ZCCHC24: variants seen among roughly 807,000 people sequenced by gnomAD.
ZCCHC24 encodes the protein zinc finger CCHC domain-containing protein 24.
Under a neutral mutation model 26.2 loss-of-function variants are expected in ZCCHC24, and 10 were observed. That is an observed-to-expected ratio of 0.38 (90% CI 0.24 to 0.65). The LOEUF (loss-of-function observed/expected upper bound fraction) is 0.65, where lower values mean the gene tolerates loss of function less well. ZCCHC24 is among the 30% of genes least tolerant of loss of function. ZCCHC24 has a pLI of 0.54. For missense variants in ZCCHC24, 243 were observed against 329.1 expected, an observed-to-expected ratio of 0.74 and a Z score of 2.03; for synonymous variants, 144 against 147.1, an observed-to-expected ratio of 0.98 and a Z score of 0.15.
intron 3 of ZCCHC24, among the ~76,000 whole-genome samples, chr10:79,391,846 C>G (rs1008065463): frequency 6.6e-6 from 1 of 151,446 alleles, no homozygotes; most frequent in African/African-American, 2.4e-5. Context: ...TTTGCGGTGA[C>G]TCAGTACACA....
intron 2 of ZCCHC24, among the ~76,000 whole-genome samples, chr10:79,423,117 A>C (rs1244843522): frequency 2.0e-5 from 3 of 152,146 alleles, no homozygotes; most frequent in Non-Finnish European, 2.9e-5. Context: ...TGAAGTTTTC[A>C]TGTCCTATCA....
chr10:79,405,710 G>A (rs1202206956), intron 2 of ZCCHC24, among the ~76,000 whole-genome samples: 1 of 152,246 alleles, frequency 6.6e-6, no homozygotes. Context: ...CCTCAGCCTG[G>A]AGTGAGGCTT....
At position 79,445,255 on chromosome 10, in the gene ZCCHC24, C is replaced by T; in HGVS notation, c.186G>A (p.Gln62=). Residue 62 remains glutamine, a synonymous_variant, in exon 1 of 4, where the codon CAG becomes CAA. Transcript: ENST00000372336. The part of the protein sequence containing the change: ...ELAFGKGRPE[Q]LGSPLHSSYL... ...AGCTGGAGTGCAGGGGCGAGCCCAG[C>T]TGCTCGGGGCGGCCCTTGCCGAAGG... The T allele has an allele frequency of 3.5e-6, 5 of 1,418,826 alleles. No homozygotes were observed. Among genetic ancestry groups the T allele is most frequent in the Non-Finnish European group, 4.6e-6 (5 of 1,081,784 alleles). 87.9% of individuals were successfully genotyped at this position (1,418,826 alleles called of 1,614,324 possible). A position where few individuals can be genotyped will look rare whatever the true frequency, so the allele number is the denominator to read the frequency against.
At chr10:79,422,642 C>T (rs894998921) in intron 2 of ZCCHC24, among the ~76,000 whole-genome samples, 1 of 152,206 alleles carries the variant, frequency 6.6e-6, no homozygotes, top group African/African-American at 2.4e-5. Flanking sequence ...CCCGAGCTGC[C>T]AGATGGGTGG....
intron 2 of ZCCHC24, among the ~76,000 whole-genome samples, chr10:79,415,360 G>A (rs1293810852): frequency 6.6e-6 from 1 of 152,154 alleles, no homozygotes; most frequent in Non-Finnish European, 1.5e-5. Flanking sequence ...AGGACGGTGG[G>A]CAGAGGGCCT....
In ZCCHC24 at chr10:79,433,655, G is replaced by A. The variant is rs555277498; in HGVS notation, c.247-897C>T. Among the ~76,000 whole-genome samples the A allele has an allele frequency of 6.5e-4, 99 of 152,350 alleles. No individual in the cohort carries two copies. The East Asian group carries it at 0.016, about 25-fold the overall frequency. ...GAGGGTCAACAACAAATCTGGGCTT[G>A]GGGCTTAAGTATCTCCTGGCCCCAG... is the stretch of plus-strand genomic sequence containing the variant. On this transcript the variant is annotated intron_variant, in intron 1 of 3. Coordinates refer to ENST00000372336, the MANE Select transcript of ZCCHC24 (RefSeq NM_153367.4).
intron 1 of ZCCHC24, among the ~76,000 whole-genome samples, chr10:79,442,690 G>A (rs1024194159): frequency 2.0e-5 from 3 of 152,194 alleles, no homozygotes; most frequent in Non-Finnish European, 4.4e-5. Flanking sequence ...GTCCCCTCCG[G>A]CCCACACACG....
chr10:79,444,133 C>T, intron 1 of ZCCHC24: 2 of 1,546,076 alleles, frequency 1.3e-6, no homozygotes, highest in Non-Finnish European at 1.7e-6. Context: ...GAAAGTGACC[C>T]CCATGTGTGT....
chr10:79,391,640 C>G (rs958225219), intron 3 of ZCCHC24, among the ~76,000 whole-genome samples: 2 of 151,928 alleles, frequency 1.3e-5, no homozygotes, highest in Non-Finnish European at 2.9e-5. Flanking sequence ...AGCCAGCCAC[C>G]ATTATCTGCC....
At chr10:79,432,944 C>T (rs1857155953) in intron 1 of ZCCHC24, among the ~76,000 whole-genome samples, 186 bp from the exon 2 acceptor site, 1 of 152,200 alleles carries the variant, frequency 6.6e-6, no homozygotes, top group African/African-American at 2.4e-5. Flanking sequence ...TACTCTGGGC[C>T]TCAGTGGCCC....
intron 1 of ZCCHC24, chr10:79,444,108 G>T: frequency 6.5e-7 from 1 of 1,545,470 alleles, no homozygotes; most frequent in South Asian, 1.2e-5. Flanking sequence ...TCACCGGTGT[G>T]CCCAGGTCTG....
At chr10:79,415,970 G>A (rs1328654660) in intron 2 of ZCCHC24, among the ~76,000 whole-genome samples, 1 of 152,126 alleles carries the variant, frequency 6.6e-6, no homozygotes, top group East Asian at 1.9e-4. Flanking sequence ...GGAAGCTTGT[G>A]AAAATGCAGA....
intron 2 of ZCCHC24, among the ~76,000 whole-genome samples, chr10:79,396,548 G>C (rs534084329): frequency 5.3e-5 from 8 of 152,222 alleles, no homozygotes; most frequent in Non-Finnish European, 1.2e-4. Context: ...TTGAGTTGGA[G>C]AGGCTTAAAT....
chr10:79,433,465 C>CG (rs1273569720), intron 1 of ZCCHC24, among the ~76,000 whole-genome samples: 8 of 152,240 alleles, frequency 5.3e-5, no homozygotes, highest in Admixed American at 5.2e-4. Context: ...TCAAAGCAGA[C>CG]GTGGCCCAGG....
intron 3 of ZCCHC24, among the ~76,000 whole-genome samples, chr10:79,390,899 C>A (rs1361349194): frequency 6.6e-6 from 1 of 152,126 alleles, no homozygotes. Flanking sequence ...AATAAACCAG[C>A]CCTCTCCACC....
At position 79,445,490 on chromosome 10, in the gene ZCCHC24, C is replaced by T. The variant is rs933515984; in HGVS notation, c.-50G>A. On this transcript the variant is annotated 5_prime_UTR_variant, in exon 1 of 4. Transcript: ENST00000372336. ...CCCCGGCCGCCCGCTCGCGGCCCCC[C>T]TCCGCAGCGGAGGGGCGGGCACCGG... is the stretch of plus-strand genomic sequence containing the variant. The T allele has an allele frequency of 2.3e-6, 3 of 1,305,668 alleles. No homozygotes were observed. The highest frequency in any genetic ancestry group is 2.9e-6 in the Non-Finnish European group (3 of 1,022,674). The allele number at this position is 1,305,668 out of a possible 1,614,324, so 80.9% of individuals were successfully genotyped here.
chr10:79,428,499 T>G (rs1421905084), intron 2 of ZCCHC24, among the ~76,000 whole-genome samples: 1 of 150,134 alleles, frequency 6.7e-6, no homozygotes, highest in Non-Finnish European at 1.5e-5. Context: ...TAAAAAGAGC[T>G]CTGTGGCTGG....
At position 79,384,348 on chromosome 10, in the gene ZCCHC24, C is replaced by T. The variant is rs1269085841; in HGVS notation, c.*1997G>A. Reference sequence around the variant, plus strand: ...GGGCCAAGGTCCCCCATGGCCGGGTCCCTGGAAGGGTTGGCACAGGCACGC... The same window carrying T: ...GGGCCAAGGTCCCCCATGGCCGGGTTCCTGGAAGGGTTGGCACAGGCACGC... On this transcript the variant is annotated 3_prime_UTR_variant, in exon 4 of 4. Coordinates refer to ENST00000372336, the MANE Select transcript of ZCCHC24 (RefSeq NM_153367.4). 1 of 152,422 alleles carries T rather than the reference C, an allele frequency of 6.6e-6. No individual in the cohort carries two copies. The highest frequency in any genetic ancestry group is 1.9e-4 in the East Asian group (1 of 5,282). 9.4% of individuals were successfully genotyped at this position (152,422 alleles called of 1,614,324 possible). A position where few individuals can be genotyped will look rare whatever the true frequency, so the allele number is the denominator to read the frequency against.
chr10:79,385,792 T>G lies in ZCCHC24; in HGVS notation c.*553A>C. 1 of 183,212 alleles carries G rather than the reference T, an allele frequency of 5.5e-6. No individual in the cohort carries two copies. The highest frequency in any genetic ancestry group is 1.4e-4 in the East Asian group (1 of 7,210). The allele number at this position is 183,212 out of a possible 1,614,324, so 11.3% of individuals were successfully genotyped here. A position where few individuals can be genotyped will look rare whatever the true frequency, so the allele number is the denominator to read the frequency against. ...TCAGAGGGGGTCTGGATTTGGGGCT[T>G]AAGGTGGGCAAGGGACAGAGAGGTC... On this transcript the variant is annotated 3_prime_UTR_variant, in exon 4 of 4. Transcript: ENST00000372336. The surrounding 1 kb of genome is among the most constrained non-coding windows in gnomAD (Gnocchi z 4.3).
Sources: allele counts gnomAD v4.1 joint callset (sites outside exome capture counted in the v4.1 genomes callset), GRCh38; gene constraint gnomAD v4.1.1; non-coding constraint Gnocchi (gnomAD v3.1); transcripts MANE v1.5; gene names NCBI Gene and HGNC (gene_info 2026-07-23, HGNC 2026-07-21).